STPG2: variants seen among roughly 807,000 people sequenced by gnomAD.
STPG2 encodes the protein sperm tail PG-rich repeat containing 2, also known as sperm-tail PG-rich repeat-containing protein 2.
STPG2 carries 56 observed loss-of-function variants against 54.2 expected under a neutral mutation model. The observed-to-expected ratio is 1.03, with a 90% CI of 0.83 to 1.29. The LOEUF is 1.29. Ranked by LOEUF, STPG2 falls within the 50% of genes most tolerant of loss-of-function variation. The probability of loss-of-function intolerance (pLI) is 0.00; values close to 1 mark genes in which losing one functional copy is unlikely to be tolerated. For missense variants in STPG2, 596 were observed against 544.9 expected (o/e 1.09, Z -0.93); for synonymous variants, 200 against 181.8 (o/e 1.10, Z -0.81).
intron 8 of STPG2, among the ~76,000 whole-genome samples, chr4:97,886,329 C>T (rs1730569136): frequency 6.6e-6 from 1 of 152,100 alleles, no homozygotes; most frequent in East Asian, 1.9e-4. Flanking sequence ...TGCTTTATGC[C>T]AGTAGAAAAC....
At chr4:97,796,632 C>A (rs960726838) in intron 9 of STPG2, among the ~76,000 whole-genome samples, 1 of 152,138 alleles carries the variant, frequency 6.6e-6, no homozygotes, top group Admixed American at 6.5e-5. Flanking sequence ...AGTCAGGTAG[C>A]ATGATGCCTC....
Position 97,819,223 on chromosome 4 carries a change from A to C in STPG2, c.1204+21550T>G, listed in dbSNP as rs1015499670. Among the ~76,000 whole-genome samples the C allele has an allele frequency of 3.9e-5, 6 of 152,014 alleles. 1 individual carries two copies. Among genetic ancestry groups the C allele is most frequent in the Admixed American group, 6.6e-5 (1 of 15,262 alleles). ...GACCAAAAAAGTTATACATTTTTGC[A>C]GTAGGTTAACAGCACTCAGCAAGAG... is the stretch of plus-strand genomic sequence containing the variant. On this transcript the variant is annotated intron_variant, in intron 9 of 10. Coordinates refer to ENST00000295268, the MANE Select transcript of STPG2 (RefSeq NM_174952.3).
intron 10 of STPG2, among the ~76,000 whole-genome samples, chr4:97,679,792 T>C (rs1428818327): frequency 6.6e-6 from 1 of 152,240 alleles, no homozygotes; most frequent in Admixed American, 6.5e-5. Context: ...CCATCTTGAA[T>C]GAATTTTTGT....
At chr4:97,740,793 T>A (rs532329954) in intron 9 of STPG2, among the ~76,000 whole-genome samples, 70 of 152,256 alleles carry the variant, frequency 4.6e-4, no homozygotes, top group Non-Finnish European at 1.5e-4. Context: ...CTGCCCAAGG[T>A]AATTTATACA....
intron 8 of STPG2, among the ~76,000 whole-genome samples, chr4:97,904,790 T>C (rs189894432): frequency 1.9e-3 from 295 of 152,170 alleles, no homozygotes; most frequent in African/African-American, 7.0e-3. Flanking sequence ...AAACCAAGGC[T>C]TGAGAACTAC....
At chr4:98,125,130 T>C (rs13130923) in intron 3 of STPG2, among the ~76,000 whole-genome samples, 60,119 of 152,056 alleles carry the variant, frequency 0.4, 12,126 homozygotes, top group Middle Eastern at 0.46. Context: ...GCTCCTTTCG[T>C]TCAGTGAAGT....
chr4:97,836,193 T>A (rs1728625051), intron 9 of STPG2, among the ~76,000 whole-genome samples: 1 of 152,134 alleles, frequency 6.6e-6, no homozygotes, highest in East Asian at 1.9e-4. Flanking sequence ...AGAAATCTCA[T>A]GAAAGGAAGG....
intron 10 of STPG2, among the ~76,000 whole-genome samples, chr4:97,697,784 C>T (rs1723627738): frequency 6.6e-6 from 1 of 152,202 alleles, no homozygotes; most frequent in African/African-American, 2.4e-5. Flanking sequence ...AGGTGGAAAA[C>T]TGCTTAAGGT....
intron 5 of STPG2, among the ~76,000 whole-genome samples, chr4:98,043,254 G>A (rs1303745685): frequency 2.6e-5 from 4 of 151,858 alleles, no homozygotes; most frequent in Non-Finnish European, 5.9e-5. Flanking sequence ...ATAACAGCAC[G>A]CAGTTGGATG....
intron 4 of STPG2, among the ~76,000 whole-genome samples, chr4:97,506,242 ACT>A (rs1578349893): frequency 6.6e-6 from 1 of 151,800 alleles, no homozygotes; most frequent in Non-Finnish European, 1.5e-5. Context: ...TTATCTAGAG[ACT>A]CTACAATTTT....
chr4:98,065,321 T>G (rs945952958), intron 5 of STPG2, among the ~76,000 whole-genome samples: 2 of 152,150 alleles, frequency 1.3e-5, no homozygotes, highest in Non-Finnish European at 2.9e-5. Flanking sequence ...AGATAATAAT[T>G]TAAATATTTC....
intron 10 of STPG2, among the ~76,000 whole-genome samples, chr4:97,613,685 T>C (rs1168161414): frequency 1.3e-5 from 2 of 152,220 alleles, no homozygotes; most frequent in East Asian, 3.9e-4. Flanking sequence ...AACTGATGTA[T>C]ATTTATTTCA....
chr4:98,143,132 G>T lies in STPG2; in HGVS notation c.19C>A (p.Arg7Ser). The stretch of plus-strand genomic sequence containing the variant: ...CCACCTTCAGCCAATTTGAGCAGGC[G>T]GGGAGCCCGATCATACATAGTGCTC... MYDRAP[R>S]LLKLAEGGST... Residue 7 changes from arginine (R) to serine (S), a missense_variant, in exon 1 of 11, where the codon CGC (arginine) becomes AGC (serine). Transcript: ENST00000295268. 3 of 1,613,668 alleles carry T rather than the reference G, an allele frequency of 1.9e-6. No individual in the cohort carries two copies. Among genetic ancestry groups the T allele is most frequent in the Non-Finnish European group, 2.5e-6 (3 of 1,179,804 alleles).
At chr4:98,040,012 C>T (rs1166986557) in intron 5 of STPG2, among the ~76,000 whole-genome samples, 1 of 151,858 alleles carries the variant, frequency 6.6e-6, no homozygotes, top group Non-Finnish European at 1.5e-5. Flanking sequence ...TAATAATAGC[C>T]ATTCTGACTG....
intron 1 of STPG2, among the ~76,000 whole-genome samples, chr4:98,139,941 A>G (rs569659976): frequency 2.0e-3 from 301 of 152,304 alleles, no homozygotes; most frequent in African/African-American, 7.1e-3. Context: ...GGAATAATGG[A>G]GTAAAGATCG....
rs1249485816 is a variant in STPG2 at position 98,005,127 on chromosome 4, C to A, written c.613-23809G>T. 3.3e-5 allele frequency among the ~76,000 whole-genome samples: 5 copies of A among 152,106 alleles called. No individual in the cohort carries two copies. In the East Asian group the frequency reaches 7.7e-4, roughly 23 times the overall value. ...CAGTCTGACGTTCAAGGGCAGGAAG[C>A]GTCCAGCACATGAGAAAGAAGAAGG... On this transcript the variant is annotated intron_variant, in intron 5 of 10. Transcript: ENST00000295268.
intron 9 of STPG2, among the ~76,000 whole-genome samples, chr4:97,809,659 G>C (rs1727676861): frequency 6.6e-6 from 1 of 152,164 alleles, no homozygotes; most frequent in Non-Finnish European, 1.5e-5. Flanking sequence ...CAATCAGAAA[G>C]AAAACATGGA....
At chr4:97,487,529 AAC>A (rs1204064892) in intron 4 of STPG2, among the ~76,000 whole-genome samples, 2 of 151,626 alleles carry the variant, frequency 1.3e-5, no homozygotes, top group African/African-American at 4.8e-5. Flanking sequence ...TATTATTTCC[AAC>A]ACACCATTTT....
At chr4:97,882,036 C>CA (rs958824166) in intron 8 of STPG2, among the ~76,000 whole-genome samples, 5 of 151,630 alleles carry the variant, frequency 3.3e-5, no homozygotes, top group East Asian at 1.9e-4. Flanking sequence ...CACACACACA[C>CA]AAAAAAAATA....
Sources: gnomAD v4.1 joint callset for allele counts (sites outside exome capture counted in the v4.1 genomes callset) on GRCh38, gnomAD v4.1.1 for gene constraint, MANE v1.5 for transcripts, NCBI Gene and HGNC (gene_info 2026-07-23, HGNC 2026-07-21) for gene names.